INSYN2A: variants seen among roughly 807,000 people sequenced by gnomAD.
The protein encoded by INSYN2A is family with sequence similarity 196 member A.
A neutral mutation model predicts 39.4 loss-of-function variants in INSYN2A; 17 were observed. The ratio of observed to expected loss-of-function variants is 0.43; its 90% confidence interval spans 0.30 to 0.65. The LOEUF (loss-of-function observed/expected upper bound fraction) is 0.65, where lower values mean the gene tolerates loss of function less well. Ranked by LOEUF, INSYN2A falls within the 30% of genes least tolerant of loss-of-function variation. INSYN2A has a pLI of 0.14. For missense variants in INSYN2A, 595 were observed against 631.2 expected (o/e 0.94, Z 0.61); for synonymous variants, 255 against 265.7 (o/e 0.96, Z 0.39).
At chr10:127,173,299 A>G (rs529404480) in intron 4 of INSYN2A, among the ~76,000 whole-genome samples, 15 of 152,150 alleles carry the variant, frequency 9.9e-5, no homozygotes, top group Non-Finnish European at 1.9e-4. Context: ...AGGCACAGAG[A>G]CATACAGCCC....
intron 4 of INSYN2A, among the ~76,000 whole-genome samples, chr10:127,160,432 G>A (rs1172857945): frequency 6.6e-6 from 1 of 152,196 alleles, no homozygotes; most frequent in East Asian, 1.9e-4. Context: ...GCAGAGTTCA[G>A]CAGCATGCTG....
chr10:127,166,088 C>T (rs555966907), intron 4 of INSYN2A, among the ~76,000 whole-genome samples: 187 of 151,870 alleles, frequency 1.2e-3, no homozygotes, highest in African/African-American at 4.3e-3. Flanking sequence ...TTTTCTGAGA[C>T]AGAGTCTCGC....
chr10:127,186,477 C>G (rs896699421), intron 2 of INSYN2A, among the ~76,000 whole-genome samples: 3 of 137,706 alleles, frequency 2.2e-5, no homozygotes, highest in African/African-American at 7.9e-5. Context: ...CGATTTCACT[C>G]ACAATCATGA....
At chr10:127,156,612 G>C (rs1386721929) in intron 4 of INSYN2A, among the ~76,000 whole-genome samples, 1 of 118,120 alleles carries the variant, frequency 8.5e-6, no homozygotes, top group Admixed American at 1.2e-4. Context: ...TTGTTGCCCA[G>C]GCTGGAGTGC....
intron 1 of INSYN2A, among the ~76,000 whole-genome samples, 179 bp downstream of exon 1, chr10:127,195,818 G>A (rs2057089146): frequency 6.6e-6 from 1 of 152,144 alleles, no homozygotes; most frequent in South Asian, 2.1e-4. Context: ...CACCGGGTCC[G>A]CTCCCGGCTG....
intron 2 of INSYN2A, among the ~76,000 whole-genome samples, chr10:127,185,792 C>T (rs1033326100): frequency 3.3e-5 from 5 of 152,050 alleles, no homozygotes; most frequent in African/African-American, 9.7e-5. Flanking sequence ...CAAATGTTTC[C>T]GGTGCTGATG....
At chr10:127,169,127 G>A (rs181277642) in intron 4 of INSYN2A, among the ~76,000 whole-genome samples, 28 of 152,266 alleles carry the variant, frequency 1.8e-4, no homozygotes, top group African/African-American at 6.5e-4. Context: ...GGGAGAATGA[G>A]ACCTTTTTCA....
chr10:127,165,856 C>G (rs1420516135), intron 4 of INSYN2A, among the ~76,000 whole-genome samples: 1 of 152,034 alleles, frequency 6.6e-6, no homozygotes, highest in Non-Finnish European at 1.5e-5. Flanking sequence ...CAGATCCTTC[C>G]CAATACACTT....
intron 4 of INSYN2A, 124 bp from the exon 5 acceptor site, chr10:127,154,047 A>T: frequency 1.4e-6 from 1 of 692,730 alleles, no homozygotes. Context: ...AAATTGATTA[A>T]TGCATGCTTC....
chr10:127,146,940 C>G (rs2051919858), intron 5 of INSYN2A, among the ~76,000 whole-genome samples: 1 of 152,188 alleles, frequency 6.6e-6, no homozygotes, highest in Non-Finnish European at 1.5e-5. Context: ...TCCTGACCAG[C>G]TTTCTTTTTG....
intron 5 of INSYN2A, among the ~76,000 whole-genome samples, chr10:127,146,463 G>T (rs928044501): frequency 1.2e-4 from 19 of 152,268 alleles, no homozygotes; most frequent in Non-Finnish European, 2.5e-4. Context: ...AAAAAACTTG[G>T]ATTATTAGCT....
Position 127,182,886 on chromosome 10 carries a change from G to C in INSYN2A, c.-268-5747C>G, listed in dbSNP as rs1260943381. Among the ~76,000 whole-genome samples, 3 of 152,162 alleles carry C rather than the reference G, an allele frequency of 2.0e-5. No homozygotes were observed. In the East Asian group the frequency reaches 5.8e-4, roughly 30 times the overall value. ...TAGCAGGTGTCCCACTGACCCTGGAGGCTTCCTGGTGATGAAGCAACAATC... is the reference window on the plus strand; with the variant it reads ...TAGCAGGTGTCCCACTGACCCTGGACGCTTCCTGGTGATGAAGCAACAATC... On this transcript the variant is annotated intron_variant, in intron 2 of 5. Coordinates refer to ENST00000522781, the MANE Select transcript of INSYN2A (RefSeq NM_001039762.3).
intron 4 of INSYN2A, among the ~76,000 whole-genome samples, chr10:127,167,372 C>T (rs1176595162): frequency 6.6e-6 from 1 of 152,132 alleles, no homozygotes; most frequent in Non-Finnish European, 1.5e-5. Context: ...TGCAACCTTG[C>T]AGGACAGAGA....
chr10:127,179,521 T>G (rs1038979911), intron 2 of INSYN2A, among the ~76,000 whole-genome samples: 2 of 152,098 alleles, frequency 1.3e-5, no homozygotes, highest in African/African-American at 2.4e-5. Context: ...TCAAATGAGG[T>G]TATGAGTTCT....
chr10:127,163,731 G>T (rs1388650004), intron 4 of INSYN2A, among the ~76,000 whole-genome samples: 1 of 150,110 alleles, frequency 6.7e-6, no homozygotes, highest in Non-Finnish European at 1.5e-5. Flanking sequence ...CCGACACCCA[G>T]TTTTGAAAAT....
intron 5 of INSYN2A, among the ~76,000 whole-genome samples, chr10:127,147,105 T>C (rs1445450178): frequency 6.6e-6 from 1 of 152,342 alleles, no homozygotes; most frequent in East Asian, 1.9e-4. Flanking sequence ...TCATTCAGTC[T>C]CATAATGTTA....
Position 127,175,174 on chromosome 10 carries a change from C to T in INSYN2A, c.1184+38G>A. 2 of 1,540,030 alleles carry T rather than the reference C, an allele frequency of 1.3e-6. No individual in the cohort carries two copies. Among genetic ancestry groups the T allele is most frequent in the South Asian group, 1.2e-5 (1 of 82,158 alleles). ...TACAGATGGACTCTGTGGTGATCAG[C>T]CTGCATAGCTTCCTAAGACATGGGT... On this transcript the variant is annotated intron_variant, in intron 4 of 5. Coordinates refer to ENST00000522781, the MANE Select transcript of INSYN2A (RefSeq NM_001039762.3). The surrounding 1 kb of genome is among the most constrained non-coding windows in gnomAD (Gnocchi z 6.3).
intron 5 of INSYN2A, among the ~76,000 whole-genome samples, chr10:127,142,786 T>C (rs2051395082): frequency 2.0e-5 from 3 of 152,220 alleles, no homozygotes; most frequent in Admixed American, 1.3e-4. Context: ...CTCGCTGTGC[T>C]CTTGGCAAGT....
intron 5 of INSYN2A, among the ~76,000 whole-genome samples, chr10:127,144,104 A>G (rs1001029996): frequency 3.9e-5 from 6 of 152,130 alleles, no homozygotes; most frequent in Non-Finnish European, 2.9e-5. Flanking sequence ...GCTCTAGTCC[A>G]GAACTCCAGC....
Sources: allele counts gnomAD v4.1 joint callset (sites outside exome capture counted in the v4.1 genomes callset), GRCh38; gene constraint gnomAD v4.1.1; non-coding constraint Gnocchi (gnomAD v3.1); transcripts MANE v1.5; gene names NCBI Gene and HGNC (gene_info 2026-07-23, HGNC 2026-07-21).